Variants in RARS2 observed in about 807,000 individuals in gnomAD.
The protein encoded by RARS2 is arginyl-tRNA synthetase 2, mitochondrial, also known as probable arginine--tRNA ligase, mitochondrial.
Under a neutral mutation model 88.5 loss-of-function variants are expected in RARS2, and 67 were observed. That is an observed-to-expected ratio of 0.76 (90% CI 0.62 to 0.93). The LOEUF is 0.93. Among genes scored for constraint, RARS2 ranks in the 40% least tolerant of loss-of-function variants. The pLI is 0.00. For synonymous variants in RARS2, 239 were observed against 230.3 expected (o/e 1.04, Z -0.34); for missense variants, 664 against 684.2 (o/e 0.97, Z 0.33).
intron 5 of RARS2, among the ~76,000 whole-genome samples, chr6:87,554,624 T>G (rs1218137157): frequency 6.6e-6 from 1 of 152,044 alleles, no homozygotes; most frequent in Admixed American, 6.6e-5. Context: ...GCACAACTAA[T>G]TTTTCTATTT....
rs990938186 is a variant in RARS2, at chr6:87,566,243, C to G, written c.111-2011G>C. ...CTAAAAGCGATATTCATTTTAAAAA[C>G]AGAATTATGTCAGGAAAAGGATTCA... On this transcript the variant is annotated intron_variant, in intron 2 of 19. Transcript: ENST00000369536. Among the ~76,000 whole-genome samples the G allele has an allele frequency of 1.8e-4, 27 of 152,124 alleles. 1 individual carries two copies. Among genetic ancestry groups the G allele is most frequent in the Admixed American group, 1.7e-3 (26 of 15,276 alleles).
intron 2 of RARS2, among the ~76,000 whole-genome samples, chr6:87,565,775 A>G (rs932478047): frequency 6.6e-6 from 1 of 152,244 alleles, no homozygotes; most frequent in African/African-American, 2.4e-5. Context: ...GGAACTAGAG[A>G]ATGAGACTCG....
chr6:87,518,741 TA>T lies in RARS2; in HGVS notation c.1306-3del, dbSNP rs773434032. On this transcript the variant is annotated splice_polypyrimidine_tract_variant and splice_region_variant and intron_variant, in intron 15 of 19. Coordinates refer to ENST00000369536, the MANE Select transcript of RARS2 (RefSeq NM_020320.5). ...AGATAAGAGTAAACCTTTGAAGTCC[TA>T]AAACGACAGAGGAAATCTTCACTGC... is the stretch of plus-strand genomic sequence containing the variant. 9.4e-5 allele frequency: 151 copies of T among 1,613,470 alleles called. No homozygotes were observed. Among genetic ancestry groups the T allele is most frequent in the Non-Finnish European group, 1.2e-4 (145 of 1,179,506 alleles).
intron 18 of RARS2, among the ~76,000 whole-genome samples, chr6:87,515,519 CAA>C (rs879642714): frequency 2.4e-5 from 3 of 127,502 alleles, no homozygotes; most frequent in African/African-American, 2.9e-5. Flanking sequence ...GACTCTGTCT[CAA>C]AAAAAAAAAA....
At chr6:87,574,900 C>T (rs935737606) in intron 1 of RARS2, among the ~76,000 whole-genome samples, 5 of 150,434 alleles carry the variant, frequency 3.3e-5, no homozygotes, top group Admixed American at 2.7e-4. Flanking sequence ...AAGAACTAAT[C>T]AGAGAATACA....
intron 1 of RARS2, among the ~76,000 whole-genome samples, chr6:87,571,819 G>A (rs1335199464): frequency 1.3e-5 from 2 of 152,188 alleles, no homozygotes; most frequent in East Asian, 3.8e-4. Flanking sequence ...ACCTGGAGAC[G>A]TCACTTTCTT....
chr6:87,587,230 C>A (rs1775443125), intron 1 of RARS2, among the ~76,000 whole-genome samples: 1 of 152,154 alleles, frequency 6.6e-6, no homozygotes, highest in African/African-American at 2.4e-5. Context: ...TTCCAATTTC[C>A]AATTGAGCTC....
At chr6:87,518,932 C>T (rs1390614446) in intron 14 of RARS2, 41 bp from the exon 15 acceptor site, 16 of 1,585,788 alleles carry the variant, frequency 1.0e-5, no homozygotes, top group Non-Finnish European at 1.3e-5. Context: ...CTACATGACA[C>T]TGTGCCAATC....
chr6:87,528,721 C>G (rs1002293613), intron 10 of RARS2, among the ~76,000 whole-genome samples: 3 of 151,998 alleles, frequency 2.0e-5, no homozygotes, highest in Non-Finnish European at 4.4e-5. Flanking sequence ...TGGAGGTTAC[C>G]AAGGGCAGGG....
intron 8 of RARS2, among the ~76,000 whole-genome samples, chr6:87,539,246 T>C (rs150158401): frequency 2.0e-3 from 299 of 152,268 alleles, no homozygotes; most frequent in African/African-American, 7.0e-3. Context: ...TTCTGCAACA[T>C]GGGGTGTCTC....
chr6:87,518,795 G>C, intron 15 of RARS2, 29 bp downstream of exon 15: 3 of 1,612,770 alleles, frequency 1.9e-6, no homozygotes, highest in African/African-American at 2.7e-5. Flanking sequence ...CCAAACAAAA[G>C]GGCCTCACAG....
chr6:87,562,066 G>A (rs1183143715), intron 4 of RARS2, among the ~76,000 whole-genome samples: 1 of 152,298 alleles, frequency 6.6e-6, no homozygotes, highest in East Asian at 1.9e-4. Context: ...CCAGGCTCAA[G>A]CGATCCTCCC....
chr6:87,589,822 G>C, intron 1 of RARS2, 100 bp downstream of exon 1: 1 of 1,613,080 alleles, frequency 6.2e-7, no homozygotes, highest in South Asian at 1.1e-5. Flanking sequence ...GATTCCGTGG[G>C]ACCCACCCTC....
chr6:87,577,509 A>T (rs1215692419), intron 1 of RARS2, among the ~76,000 whole-genome samples: 2 of 152,104 alleles, frequency 1.3e-5, no homozygotes, highest in Non-Finnish European at 2.9e-5. Flanking sequence ...ATTTCTAAAC[A>T]TGGTAATTTT....
In RARS2 at chr6:87,577,962, A is replaced by G. The variant is rs144271172; in HGVS notation, c.37-8372T>C. On this transcript the variant is annotated intron_variant, in intron 1 of 19. Transcript: ENST00000369536. ...CTTTGGTTTTTCACTGAATTCAAAC[A>G]AAACTACTTTTAACATTTTTATTTA... Among the ~76,000 whole-genome samples, 46 of 152,316 alleles carry G rather than the reference A, an allele frequency of 3.0e-4. No homozygotes were observed. In the East Asian group the frequency reaches 8.7e-3, roughly 29 times the overall value.
chr6:87,524,468 T>A, intron 11 of RARS2, 89 bp downstream of exon 11: 1 of 1,019,484 alleles, frequency 9.8e-7, no homozygotes, highest in Non-Finnish European at 1.6e-6. Flanking sequence ...AGCTGTGGAA[T>A]CCGATAATGC....
chr6:87,548,305 C>A (rs1783229583), intron 6 of RARS2, among the ~76,000 whole-genome samples: 1 of 152,148 alleles, frequency 6.6e-6, no homozygotes, highest in Admixed American at 6.5e-5. Context: ...TTGCATCTTT[C>A]AGGTCTTCCC....
intron 4 of RARS2, 96 bp downstream of exon 4, chr6:87,562,606 A>C: frequency 1.1e-6 from 1 of 890,962 alleles, no homozygotes; most frequent in Non-Finnish European, 1.9e-6. Context: ...TTTTGAGGCC[A>C]GAGGAGGCAT....
chr6:87,589,967 T>C lies in RARS2; in HGVS notation c.-10A>G, dbSNP rs759898770. 127 of 1,614,122 alleles carry C rather than the reference T, an allele frequency of 7.9e-5. No individual in the cohort carries two copies. Among genetic ancestry groups the C allele is most frequent in the South Asian group, 1.8e-4 (16 of 91,096 alleles). ...GAAAGCCGCACGCCATGTCCACCTC[T>C]ACGGAAGTGCGCCGCAGTCCGCCAG... On this transcript the variant is annotated 5_prime_UTR_variant, in exon 1 of 20. Transcript: ENST00000369536.
Sources: allele counts gnomAD v4.1 joint callset (sites outside exome capture counted in the v4.1 genomes callset), GRCh38; gene constraint gnomAD v4.1.1; transcripts MANE v1.5; gene names NCBI Gene and HGNC (gene_info 2026-07-23, HGNC 2026-07-21).